The following INTS14 variants were observed in gnomAD, a reference collection of about 807,000 sequenced individuals.
The protein encoded by INTS14 is integrator complex subunit 14.
In INTS14, 27 loss-of-function variants were observed where a neutral mutation model predicts 56.9. The ratio of observed to expected loss-of-function variants is 0.47; its 90% CI spans 0.35 to 0.65. The LOEUF (loss-of-function observed/expected upper bound fraction) is 0.65. Among genes scored for constraint, INTS14 ranks in the 30% least tolerant of loss-of-function variants. The pLI is 0.00. For synonymous variants in INTS14, 207 were observed against 236.2 expected (o/e 0.88, Z 1.13); for missense variants, 517 against 632.2 (o/e 0.82, Z 1.95).
chr15:65,582,413 T>G (rs537732983), intron 10 of INTS14, among the ~76,000 whole-genome samples: 1 of 152,006 alleles, frequency 6.6e-6, no homozygotes, highest in South Asian at 2.1e-4. Context: ...TACAAAAAAC[T>G]AACTCAAAAT....
Position 65,579,654 on chromosome 15 carries a change from C to T in INTS14, c.1311G>A (p.Leu437=), listed in dbSNP as rs771542332. The change falls in exon 12 of 12, where the codon CTG becomes CTA. Residue 437 remains leucine, a synonymous_variant. Coordinates refer to ENST00000313182, the MANE Select transcript of INTS14 (RefSeq NM_001394796.1). ...PEKTQTFYKE[L]NRLRKAALAF... ...CTAGAGCGGCCTTTCGCAAACGGTT[C>T]AGCTCCTGAAACAAGACAGAAAATC... 4 of 1,611,690 alleles carry T rather than the reference C, an allele frequency of 2.5e-6. No individual in the cohort carries two copies. Among genetic ancestry groups the T allele is most frequent in the Admixed American group, 3.3e-5 (2 of 59,972 alleles).
chr15:65,606,443 C>T (rs192421208), intron 2 of INTS14, among the ~76,000 whole-genome samples: 8 of 150,930 alleles, frequency 5.3e-5, no homozygotes, highest in East Asian at 3.9e-4. Context: ...AAAATAGAGA[C>T]GGGATCTTGC....
At chr15:65,581,834 T>C (rs562181719) in intron 11 of INTS14, 120 bp downstream of exon 11, 70 of 992,804 alleles carry the variant, frequency 7.1e-5, no homozygotes, top group African/African-American at 5.3e-4. Context: ...CTGAGTTTAT[T>C]TGAAAAAACT....
In INTS14 at chr15:65,579,500, CCAGCTTGAGCTGCTGGGCAGCATGGGT is replaced by C. The variant is rs750545819; in HGVS notation, c.1438_1464del (p.Thr480_Leu488del). 6.2e-7 allele frequency: 1 copy of C among 1,614,228 alleles called. No homozygotes were observed. Among genetic ancestry groups the C allele is most frequent in the Non-Finnish European group, 8.5e-7 (1 of 1,180,038 alleles). On this transcript the variant is annotated inframe_deletion, in exon 12 of 12. Transcript: ENST00000313182. ...GCATACTCAGAGGTGCCGGTACTGG[CCAGCTTGAGCTGCTGGGCAGCATGGGT>C]CAGCTGGAATGCAGCATCAGGGTGG... is the stretch of plus-strand genomic sequence containing the variant.
intron 1 of INTS14, among the ~76,000 whole-genome samples, chr15:65,608,556 G>A (rs2141336317): frequency 6.6e-6 from 1 of 152,212 alleles, no homozygotes; most frequent in East Asian, 1.9e-4. Flanking sequence ...ATAGCCTGCT[G>A]CTACTCTATT....
intron 8 of INTS14, 146 bp from the exon 9 acceptor site, chr15:65,591,877 A>C: frequency 1.3e-6 from 1 of 761,478 alleles, no homozygotes. Context: ...CAAACCCTAA[A>C]CCTGAAAATG....
chr15:65,580,964 T>C (rs74021134), intron 11 of INTS14, among the ~76,000 whole-genome samples: 84 of 152,302 alleles, frequency 5.5e-4, no homozygotes, highest in African/African-American at 1.9e-3. Context: ...GCAATAAAAA[T>C]GTTCTGGGGT....
At chr15:65,588,664 T>A (rs2072916473) in intron 9 of INTS14, among the ~76,000 whole-genome samples, 1 of 149,138 alleles carries the variant, frequency 6.7e-6, no homozygotes, top group Non-Finnish European at 1.5e-5. Flanking sequence ...TGAGACTCTG[T>A]CTCAATTAAA....
At chr15:65,588,243 C>G (rs897573569) in intron 9 of INTS14, among the ~76,000 whole-genome samples, 3 of 151,932 alleles carry the variant, frequency 2.0e-5, no homozygotes, top group Non-Finnish European at 2.9e-5. Context: ...GAGCTGAGAT[C>G]ACGCCACTAC....
At chr15:65,599,043 A>G in intron 4 of INTS14, 53 bp from the exon 5 acceptor site, 1 of 1,339,250 alleles carries the variant, frequency 7.5e-7, no homozygotes, top group South Asian at 1.3e-5. Context: ...ATGCCAGATT[A>G]TTCTCAGCTC....
rs1371047242 is a variant in INTS14, at chr15:65,579,656, G to T, written c.1309C>A (p.Leu437Met). The T allele has an allele frequency of 1.2e-6, 2 of 1,611,260 alleles. No individual in the cohort carries two copies. Among genetic ancestry groups the T allele is most frequent in the African/African-American group, 2.7e-5 (2 of 74,894 alleles). Residue 437 changes from leucine (L) to methionine (M), a missense_variant, in exon 12 of 12, where the codon CTG becomes ATG. Physicochemically the swap from Leu to Met is conservative, Grantham distance 15. Transcript: ENST00000313182. ...PEKTQTFYKE[L>M]NRLRKAALAF... ...AGAGCGGCCTTTCGCAAACGGTTCA[G>T]CTCCTGAAACAAGACAGAAAATCAC...
intron 9 of INTS14, among the ~76,000 whole-genome samples, chr15:65,587,496 A>C (rs1159912741): frequency 6.6e-6 from 1 of 152,248 alleles, no homozygotes; most frequent in Non-Finnish European, 1.5e-5. Context: ...ACAAATTGGT[A>C]TAGCTTAGTT....
intron 6 of INTS14, 122 bp from the exon 7 acceptor site, chr15:65,595,947 T>C (rs1342378456): frequency 3.8e-5 from 26 of 678,412 alleles, no homozygotes; most frequent in East Asian, 6.2e-5. Context: ...ACTGGGAAAG[T>C]TATTAGATTT....
At position 65,603,486 on chromosome 15, in the gene INTS14, A is replaced by AT. The variant is rs199670203; in HGVS notation, c.330+1642dup. 3.6e-3 allele frequency among the ~76,000 whole-genome samples: 540 copies of AT among 151,828 alleles called. 5 individuals carry two copies. The highest frequency in any genetic ancestry group is 0.012 in the African/African-American group (509 of 41,414). ...CTGACTCCCAGGCAACTACAATCTT[A>AT]TTTTTTTTAAGACAGGGCCTCACTA... On this transcript the variant is annotated intron_variant, in intron 3 of 11. Coordinates refer to ENST00000313182, the MANE Select transcript of INTS14 (RefSeq NM_001394796.1).
intron 2 of INTS14, 104 bp from the exon 3 acceptor site, chr15:65,605,340 G>T: frequency 1.2e-6 from 1 of 813,456 alleles, no homozygotes. Context: ...AGGGGACACT[G>T]ATGTATCTGA....
chr15:65,601,971 T>A (rs1318987115), intron 3 of INTS14, among the ~76,000 whole-genome samples: 1 of 152,094 alleles, frequency 6.6e-6, no homozygotes, highest in Non-Finnish European at 1.5e-5. Context: ...ATCCCAGCAC[T>A]TTGGGAGGTT....
chr15:65,596,696 A>C (rs758503403), intron 6 of INTS14, among the ~76,000 whole-genome samples: 1 of 151,988 alleles, frequency 6.6e-6, no homozygotes, highest in South Asian at 2.1e-4. Flanking sequence ...TCAGCCTCCC[A>C]AGCAGCTGGG....
rs1388397098 is a variant in INTS14 at position 65,581,963 on chromosome 15, T to C, written c.1296A>G (p.Thr432=). The part of the protein sequence containing the change: ...NARKLPEKTQ[T]FYKELNRLRK... ...CTTCTGTCTGTCTCACCTTATAGAA[T>C]GTCTGTGTTTTTTCAGGTAGTTTCC... Residue 432 remains threonine, a synonymous_variant, in exon 11 of 12, where the codon ACA becomes ACG. Transcript: ENST00000313182. 1.2e-5 allele frequency: 19 copies of C among 1,613,480 alleles called. No homozygotes were observed. Among genetic ancestry groups the C allele is most frequent in the Non-Finnish European group, 1.6e-5 (19 of 1,179,926 alleles).
At chr15:65,604,100 T>G (rs1052355635) in intron 3 of INTS14, among the ~76,000 whole-genome samples, 2 of 152,200 alleles carry the variant, frequency 1.3e-5, no homozygotes, top group Non-Finnish European at 2.9e-5. Flanking sequence ...TTGTTTGTTT[T>G]TGCCACACAG....
Sources: gnomAD v4.1 joint callset for allele counts (sites outside exome capture counted in the v4.1 genomes callset) on GRCh38, gnomAD v4.1.1 for gene constraint, MANE v1.5 for transcripts, NCBI Gene and HGNC (gene_info 2026-07-23, HGNC 2026-07-21) for gene names.